The following MAF variants were observed in gnomAD, a reference collection of about 807,000 sequenced individuals.
MAF encodes MAF bZIP transcription factor.
A neutral mutation model predicts 22.0 loss-of-function variants in MAF; 10 were observed. The observed-to-expected ratio is 0.45, with a 90% CI of 0.28 to 0.77. MAF has a LOEUF of 0.77. MAF is among the 30% of genes least tolerant of loss of function. MAF has a pLI of 0.12. For missense variants in MAF, 544 were observed against 548.4 expected (o/e 0.99, Z 0.08); for synonymous variants, 337 against 255.8 (o/e 1.32, Z -3.03).
the MAF span, among the ~76,000 whole-genome samples, chr16:79,341,693 A>G: frequency 2.6e-5 from 4 of 152,208 alleles, no homozygotes; most frequent in Non-Finnish European, 5.9e-5. Context: ...TTTTAACAAT[A>G]TAACTCTGGC....
At chr16:79,327,704 C>G in the MAF span, among the ~76,000 whole-genome samples, 1 of 152,170 alleles carries the variant, frequency 6.6e-6, no homozygotes, top group Non-Finnish European at 1.5e-5. Flanking sequence ...TGACAAGCCT[C>G]GTACTGTCGC....
chr16:79,211,773 C>G, the MAF span: 3 of 1,614,006 alleles, frequency 1.9e-6, no homozygotes, highest in Non-Finnish European at 2.5e-6. Flanking sequence ...GATCCAAGAA[C>G]GGCTTGGCAG....
At chr16:79,584,687 C>G (rs889950529), downstream of MAF, among the ~76,000 whole-genome samples, 1 of 152,122 alleles carries the variant, frequency 6.6e-6, no homozygotes, top group Non-Finnish European at 1.5e-5. Flanking sequence ...AATAAAGCAT[C>G]GGAACTGCAT....
the MAF span, among the ~76,000 whole-genome samples, chr16:79,257,955 G>A: frequency 6.6e-6 from 1 of 152,160 alleles, no homozygotes; most frequent in Admixed American, 6.5e-5. Flanking sequence ...TCTAAACTCT[G>A]CCATGATTTC....
chr16:79,597,092 G>C, intron 1 of MAF: 3 of 1,058,698 alleles, frequency 2.8e-6, no homozygotes, highest in Non-Finnish European at 3.4e-6. Context: ...TTATATTTAA[G>C]TTGCAAGCAC....
chr16:79,339,192 C>A, the MAF span, among the ~76,000 whole-genome samples: 10 of 152,268 alleles, frequency 6.6e-5, no homozygotes, highest in East Asian at 1.7e-3. Flanking sequence ...GCCTCAGCCT[C>A]TCGAGTAGCT....
chr16:79,488,424 C>G, the MAF span, among the ~76,000 whole-genome samples: 1 of 151,836 alleles, frequency 6.6e-6, no homozygotes, highest in African/African-American at 2.4e-5. Context: ...ACCTAGTACA[C>G]TGGTGACCTT....
the MAF span, among the ~76,000 whole-genome samples, chr16:79,425,767 T>C: frequency 3.9e-5 from 6 of 151,978 alleles, no homozygotes; most frequent in African/African-American, 1.4e-4. Flanking sequence ...CTTCCAATCC[T>C]GTGGGCTGCA....
the MAF span, among the ~76,000 whole-genome samples, chr16:79,393,554 T>G: frequency 6.6e-6 from 1 of 152,236 alleles, no homozygotes; most frequent in African/African-American, 2.4e-5. Context: ...TAGACCTCAG[T>G]GCTGGGCCTC....
chr16:79,204,890 C>G, the MAF span: 1 of 152,210 alleles, frequency 6.6e-6, no homozygotes, highest in Non-Finnish European at 1.5e-5. Flanking sequence ...GGAGTAAGAG[C>G]CACATTCTTG....
the MAF span, among the ~76,000 whole-genome samples, chr16:79,220,090 T>TACTAAAAATACA: frequency 6.6e-6 from 1 of 151,870 alleles, no homozygotes; most frequent in South Asian, 2.1e-4. Context: ...ACCCTGTCTC[T>TACTAAAAATACA]ACTAAAAATA....
the MAF span, among the ~76,000 whole-genome samples, chr16:79,571,844 T>A: frequency 6.6e-6 from 1 of 152,140 alleles, no homozygotes; most frequent in Non-Finnish European, 1.5e-5. Context: ...TTTACATCAT[T>A]TCTTTGCAGG....
At chr16:79,289,867 T>TTTTTTCTTTTTC in the MAF span, among the ~76,000 whole-genome samples, 1 of 118,510 alleles carries the variant, frequency 8.4e-6, no homozygotes, top group Admixed American at 9.6e-5. Flanking sequence ...TTTTTTTTTT[T>TTTTTTCTTTTTC]TGTGAGACGG....
chr16:79,288,031 G>T, the MAF span, among the ~76,000 whole-genome samples: 3 of 152,148 alleles, frequency 2.0e-5, no homozygotes, highest in Non-Finnish European at 2.9e-5. Flanking sequence ...GTTCCTTGGG[G>T]ATATTTTTCA....
chr16:79,211,045 GT>G, the MAF span, among the ~76,000 whole-genome samples: 6 of 151,826 alleles, frequency 4.0e-5, no homozygotes, highest in African/African-American at 1.5e-4. Flanking sequence ...GTGTGTGTGT[GT>G]GTGTGTGTGT....
At chr16:79,438,668 A>G in the MAF span, among the ~76,000 whole-genome samples, 4 of 152,216 alleles carry the variant, frequency 2.6e-5, no homozygotes, top group African/African-American at 9.6e-5. Context: ...CTGCACAGCC[A>G]GCGAGGTCGT....
At chr16:79,407,681 G>T in the MAF span, among the ~76,000 whole-genome samples, 3 of 152,024 alleles carry the variant, frequency 2.0e-5, no homozygotes, top group Non-Finnish European at 4.4e-5. Context: ...CTTCATGTCA[G>T]AGATTTTTTT....
the MAF span, among the ~76,000 whole-genome samples, chr16:79,254,028 G>GTT: frequency 5.9e-5 from 8 of 134,718 alleles, no homozygotes; most frequent in African/African-American, 2.2e-4. Context: ...ATCTTTTTTT[G>GTT]TTTTTTTTTT....
the MAF span, among the ~76,000 whole-genome samples, chr16:79,548,037 A>G: frequency 1.5e-4 from 23 of 152,094 alleles, no homozygotes; most frequent in Admixed American, 3.3e-4. Flanking sequence ...AAAAACTGAG[A>G]TCTGTTGTTT....
Sources: gnomAD v4.1 joint callset for allele counts (sites outside exome capture counted in the v4.1 genomes callset) on GRCh38, gnomAD v4.1.1 for gene constraint, MANE v1.5 for transcripts, NCBI Gene and HGNC (gene_info 2026-07-23, HGNC 2026-07-21) for gene names.